ARSG: variants seen among roughly 807,000 people sequenced by gnomAD.
ARSG encodes arylsulfatase G.
ARSG carries 37 observed loss-of-function variants against 50.5 expected under a neutral mutation model. That is an observed-to-expected ratio of 0.73 (90% CI 0.56 to 0.96). ARSG has a LOEUF of 0.96. Among genes scored for constraint, ARSG ranks in the 50% least tolerant of loss-of-function variants. The pLI is 0.00. For synonymous variants in ARSG, 225 were observed against 254.6 expected (o/e 0.88, Z 1.11); for missense variants, 629 against 675.3 (o/e 0.93, Z 0.76).
chr17:68,273,955 A>T, intron 1 of ARSG: 1 of 1,614,212 alleles, frequency 6.2e-7, no homozygotes, highest in Non-Finnish European at 8.5e-7. Flanking sequence ...CGACGTACAT[A>T]TGAGAAACCT....
chr17:68,394,991 T>C, intron 9 of ARSG, 82 bp from the exon 10 acceptor site: 1 of 1,584,162 alleles, frequency 6.3e-7, no homozygotes, highest in Non-Finnish European at 8.6e-7. Context: ...TGCTCTGGGC[T>C]GGTTCAGGTG....
chr17:68,375,409 A>G (rs1274877728), intron 8 of ARSG, among the ~76,000 whole-genome samples: 2 of 152,226 alleles, frequency 1.3e-5, no homozygotes, highest in Admixed American at 6.5e-5. Context: ...GGCCAAAAGA[A>G]TCAGAAGCAC....
At chr17:68,278,566 C>T (rs1284805150) in intron 1 of ARSG, among the ~76,000 whole-genome samples, 2 of 151,670 alleles carry the variant, frequency 1.3e-5, no homozygotes, top group Non-Finnish European at 2.9e-5. Context: ...TCCCAAGTAG[C>T]TGGGACTACA....
At chr17:68,370,259 C>T (rs932697308) in intron 7 of ARSG, among the ~76,000 whole-genome samples, 185 bp from the exon 8 acceptor site, 6 of 152,078 alleles carry the variant, frequency 3.9e-5, no homozygotes, top group Non-Finnish European at 7.4e-5. Flanking sequence ...AAGTGATCTG[C>T]TTGCCTCCGC....
chr17:68,377,631 T>G (rs1264282525), intron 8 of ARSG, among the ~76,000 whole-genome samples: 1 of 152,142 alleles, frequency 6.6e-6, no homozygotes, highest in African/African-American at 2.4e-5. Context: ...TAGACTAAAT[T>G]TCTTCATTCC....
rs1555745814 is a variant in ARSG, at chr17:68,264,065, C to T, written c.-552+4639C>T. 1.3e-5 allele frequency among the ~76,000 whole-genome samples: 2 copies of T among 152,048 alleles called. 1 individual carries two copies. Among genetic ancestry groups the T allele is most frequent in the South Asian group, 4.1e-4 (2 of 4,828 alleles). On this transcript the variant is annotated intron_variant, in intron 1 of 11. Transcript: ENST00000448504. The stretch of plus-strand genomic sequence containing the variant: ...TAGAGACAGGATTTCACCATGTTGG[C>T]TAGGCTGGTCTCGAACTCCTGACCT...
intron 2 of ARSG, among the ~76,000 whole-genome samples, chr17:68,329,749 T>C (rs2077648343): frequency 6.6e-6 from 1 of 152,132 alleles, no homozygotes; most frequent in South Asian, 2.1e-4. Context: ...CTGGGCCATG[T>C]TGGAAGAAGA....
Position 68,356,872 on chromosome 17 carries a change from C to T in ARSG, c.704+68C>T, listed in dbSNP as rs2146493482. 5 of 1,595,846 alleles carry T rather than the reference C, an allele frequency of 3.1e-6. No homozygotes were observed. The South Asian group carries it at 4.5e-5, about 14-fold the overall frequency. On this transcript the variant is annotated intron_variant, in intron 6 of 11. Transcript: ENST00000621439. ...ACCTACCCGTGCACACACACCATGT[C>T]CCTTGGCCTCAGCACGCTTGAGGCC...
chr17:68,399,322 GAGA>G lies in ARSG; in HGVS notation c.1213-2032_1213-2030del, dbSNP rs1394548435. The stretch of plus-strand genomic sequence containing the variant: ...GTAGCTGTGCATCCCCACCTGAATG[GAGA>G]AGAAGCCCACCTTCAGGGGATGCTA... On this transcript the variant is annotated intron_variant, in intron 10 of 11. Transcript: ENST00000621439. This position sits in a 1 kb window ranked among gnomAD's most constrained non-coding sequence, Gnocchi z 4.6. 6.6e-6 allele frequency among the ~76,000 whole-genome samples: 1 copy of G among 152,138 alleles called. No individual in the cohort carries two copies. The highest frequency in any genetic ancestry group is 1.5e-5 in the Non-Finnish European group (1 of 68,026).
rs1346527666 is a variant in ARSG at position 68,420,693 on chromosome 17, G to A, written c.*230G>A. ...GAGTGTGCCTTAATGGGAAGCACAC[G>A]GGCTTTGGAGTCAGGCACAGGTGCC... On this transcript the variant is annotated 3_prime_UTR_variant, in exon 12 of 12. Transcript: ENST00000621439. The A allele has an allele frequency of 1.3e-5, 7 of 555,422 alleles. No individual in the cohort carries two copies. Among genetic ancestry groups the A allele is most frequent in the Middle Eastern group, 4.7e-4 (1 of 2,130 alleles). 34.4% of individuals were successfully genotyped at this position (555,422 alleles called of 1,614,324 possible).
chr17:68,403,539 T>C (rs1226921690), intron 11 of ARSG, among the ~76,000 whole-genome samples: 2 of 152,224 alleles, frequency 1.3e-5, no homozygotes, highest in Non-Finnish European at 2.9e-5. Flanking sequence ...TACTTACAAC[T>C]GCTTTTGGAT....
chr17:68,324,555 G>T (rs2077427777), intron 2 of ARSG, among the ~76,000 whole-genome samples: 1 of 152,192 alleles, frequency 6.6e-6, no homozygotes, highest in African/African-American at 2.4e-5. Context: ...TTCTGGCTTT[G>T]CCATTTCCTC....
chr17:68,378,571 GGGCAC>G lies in ARSG; in HGVS notation c.983-6491_983-6487del, dbSNP rs1429231398. Among the ~76,000 whole-genome samples, 2 of 152,108 alleles carry G rather than the reference GGGCAC, an allele frequency of 1.3e-5. No homozygotes were observed. The highest frequency in any genetic ancestry group is 3.9e-4 in the East Asian group (2 of 5,176). ...AGCCCTGCCTTCTCCCGAAGAAGAA[GGGCAC>G]GAGTCAGACACCCCTGCTGTCTCTG... is the stretch of plus-strand genomic sequence containing the variant. On this transcript the variant is annotated intron_variant, in intron 8 of 11. Transcript: ENST00000621439. The surrounding 1 kb of genome is among the most constrained non-coding windows in gnomAD (Gnocchi z 4.4).
downstream of ARSG, chr17:68,427,414 T>G: frequency 1.9e-6 from 1 of 519,196 alleles, no homozygotes; most frequent in South Asian, 2.4e-5. Context: ...TGGAGTGCAG[T>G]GGCGCAATCT....
In ARSG at chr17:68,265,105, G is replaced by C. The variant is rs151144547; in HGVS notation, c.-552+5679G>C. ...GGAGGTGGAGGTTGCAGTGAGCGGA[G>C]ATCACGCCACTGCACTCCAGCCTGG... On this transcript the variant is annotated intron_variant, in intron 1 of 11. Coordinates refer to the ARSG transcript ENST00000448504. Among the ~76,000 whole-genome samples, 122 of 147,708 alleles carry C rather than the reference G, an allele frequency of 8.3e-4. 2 individuals carry two copies. The highest frequency in any genetic ancestry group is 3.0e-3 in the African/African-American group (120 of 39,968).
At chr17:68,349,798 G>A (rs889461707) in intron 4 of ARSG, among the ~76,000 whole-genome samples, 10 of 152,094 alleles carry the variant, frequency 6.6e-5, no homozygotes, top group African/African-American at 1.4e-4. Flanking sequence ...CACGAGAATC[G>A]CTTGAACCCA....
At chr17:68,431,762 C>CTGTGGG in the ARSG span, among the ~76,000 whole-genome samples, 19 of 152,302 alleles carry the variant, frequency 1.2e-4, 1 homozygote, top group Non-Finnish European at 2.9e-5. Flanking sequence ...ATATGAACAC[C>CTGTGGG]CGTGGACAGG....
At chr17:68,372,561 G>A (rs189355338) in intron 8 of ARSG, among the ~76,000 whole-genome samples, 4 of 152,246 alleles carry the variant, frequency 2.6e-5, no homozygotes. Flanking sequence ...AACAGCCAAG[G>A]CTAATGAGAA....
chr17:68,374,476 T>C (rs2080043972), intron 8 of ARSG, among the ~76,000 whole-genome samples: 2 of 152,206 alleles, frequency 1.3e-5, no homozygotes, highest in South Asian at 4.1e-4. Flanking sequence ...CTCTTCTCTC[T>C]TTATGAGGCA....
Sources: allele counts gnomAD v4.1 joint callset (sites outside exome capture counted in the v4.1 genomes callset), GRCh38; gene constraint gnomAD v4.1.1; non-coding constraint Gnocchi (gnomAD v3.1); transcripts MANE v1.5; gene names NCBI Gene and HGNC (gene_info 2026-07-23, HGNC 2026-07-21).